Variants in FAM114A1 observed in about 807,000 individuals in gnomAD.
FAM114A1 encodes the protein family with sequence similarity 114 member A1.
Under a neutral mutation model 64.3 loss-of-function variants are expected in FAM114A1, and 62 were observed. The observed-to-expected ratio is 0.96, with a 90% confidence interval of 0.79 to 1.19. The LOEUF is 1.19. Ranked by LOEUF, FAM114A1 falls within the 50% of genes most tolerant of loss-of-function variation. The probability of loss-of-function intolerance (pLI) is 0.00; values close to 1 mark genes in which losing one functional copy is unlikely to be tolerated. For synonymous variants in FAM114A1, 254 were observed against 251.1 expected (o/e 1.01, Z -0.11); for missense variants, 645 against 676.3 (o/e 0.95, Z 0.51).
At chr4:38,922,235 T>C (rs979154634) in intron 8 of FAM114A1, among the ~76,000 whole-genome samples, 5 of 152,242 alleles carry the variant, frequency 3.3e-5, no homozygotes, top group Admixed American at 2.6e-4. Context: ...CCACCGCGTC[T>C]GGCCGTATGC....
At chr4:38,933,647 T>C (rs1720848104) in intron 12 of FAM114A1, among the ~76,000 whole-genome samples, 1 of 152,186 alleles carries the variant, frequency 6.6e-6, no homozygotes, top group Non-Finnish European at 1.5e-5. Flanking sequence ...ATATGGAGCA[T>C]TCATGAAAAT....
intron 3 of FAM114A1, among the ~76,000 whole-genome samples, chr4:38,885,951 A>G (rs1460663752): frequency 6.6e-6 from 1 of 152,198 alleles, no homozygotes; most frequent in African/African-American, 2.4e-5. Flanking sequence ...GAGTCAGAAG[A>G]TAGGCCATCA....
chr4:38,905,213 A>C (rs1272860657), intron 4 of FAM114A1, among the ~76,000 whole-genome samples: 1 of 152,020 alleles, frequency 6.6e-6, no homozygotes, highest in Non-Finnish European at 1.5e-5. Context: ...CCTGGCCAAC[A>C]CTTAGTGAAA....
intron 3 of FAM114A1, among the ~76,000 whole-genome samples, chr4:38,889,722 G>C (rs1716141855): frequency 6.6e-6 from 1 of 152,166 alleles, no homozygotes; most frequent in African/African-American, 2.4e-5. Flanking sequence ...GTCTCAACCA[G>C]TACTCTACAC....
intron 14 of FAM114A1, among the ~76,000 whole-genome samples, chr4:38,943,033 A>T (rs954829758): frequency 6.6e-6 from 1 of 152,058 alleles, no homozygotes; most frequent in African/African-American, 2.4e-5. Flanking sequence ...CTCTACTAAA[A>T]TACAAACAAA....
intron 12 of FAM114A1, among the ~76,000 whole-genome samples, chr4:38,933,765 C>T (rs924997706): frequency 6.6e-6 from 1 of 152,110 alleles, no homozygotes; most frequent in Middle Eastern, 3.2e-3. Flanking sequence ...ATTAGACAGA[C>T]ACAGGAGCCA....
rs149201693 is a variant in FAM114A1, at chr4:38,878,397, G to T, written c.319G>T (p.Glu107Ter). Residue 107 changes from glutamate to a stop codon, truncating the protein, a stop_gained, in exon 3 of 15, where the codon GAA becomes TAA. Coordinates refer to ENST00000358869, the MANE Select transcript of FAM114A1 (RefSeq NM_138389.4). LOFTEE classifies it high-confidence loss of function. ...SVSLEAEPRS[E>*]IPLQEQNYLA... ...CAGCCTTGAGGCAGAACCCAGATCC[G>T]AAATACCCCTGCAAGAACAGAATTA... The T allele has an allele frequency of 1.9e-6, 3 of 1,602,658 alleles. No individual in the cohort carries two copies. The highest frequency in any genetic ancestry group is 2.6e-6 in the Non-Finnish European group (3 of 1,173,972).
rs753746517 is a variant in FAM114A1 at position 38,922,881 on chromosome 4, CAAG to C, written c.1063_1065del (p.Glu355del). ...CAAAGAATTAGAGAATGAAGAAAATCAAGAAGAACAAGGTAAAGGAAAATAACT... is the reference window on the plus strand; with the variant it reads ...CAAAGAATTAGAGAATGAAGAAAATCAAGAACAAGGTAAAGGAAAATAACT... On this transcript the variant is annotated inframe_deletion, in exon 9 of 15. Transcript: ENST00000358869. The C allele has an allele frequency of 3.6e-5, 58 of 1,609,696 alleles. No individual in the cohort carries two copies. The highest frequency in any genetic ancestry group is 3.4e-4 in the African/African-American group (25 of 74,576).
At chr4:38,941,850 A>G (rs1042861476) in intron 14 of FAM114A1, among the ~76,000 whole-genome samples, 40 of 152,226 alleles carry the variant, frequency 2.6e-4, no homozygotes, top group Non-Finnish European at 1.6e-4. Flanking sequence ...AAAATTTGGA[A>G]ATTACAAAAG....
At chr4:38,883,430 C>T (rs1462700289) in intron 3 of FAM114A1, among the ~76,000 whole-genome samples, 2 of 152,110 alleles carry the variant, frequency 1.3e-5, no homozygotes, top group African/African-American at 2.4e-5. Flanking sequence ...CCTTAAAAGA[C>T]CCAATCTAGA....
At chr4:38,892,001 A>C (rs1716457483) in intron 4 of FAM114A1, among the ~76,000 whole-genome samples, 171 bp downstream of exon 4, 1 of 152,240 alleles carries the variant, frequency 6.6e-6, no homozygotes, top group South Asian at 2.1e-4. Context: ...TTGTTCCTCA[A>C]AATAACCCTA....
At chr4:38,929,083 C>T in intron 9 of FAM114A1, 159 bp from the exon 10 acceptor site, 1 of 619,378 alleles carries the variant, frequency 1.6e-6, no homozygotes, top group Non-Finnish European at 2.9e-6. Context: ...CTGCCATGCT[C>T]ACGAATGGAA....
At chr4:38,874,446 G>C (rs897618220) in intron 2 of FAM114A1, among the ~76,000 whole-genome samples, 1 of 152,100 alleles carries the variant, frequency 6.6e-6, no homozygotes, top group Admixed American at 6.5e-5. Context: ...TCATATGCTT[G>C]TTGGCCACCT....
At chr4:38,871,649 A>G (rs1462938354) in intron 2 of FAM114A1, among the ~76,000 whole-genome samples, 1 of 152,088 alleles carries the variant, frequency 6.6e-6, no homozygotes, top group Admixed American at 6.5e-5. Context: ...CTTTTTCTAC[A>G]TTTGGGATAA....
At chr4:38,873,496 G>T (rs938786568) in intron 2 of FAM114A1, among the ~76,000 whole-genome samples, 1 of 152,096 alleles carries the variant, frequency 6.6e-6, no homozygotes, top group African/African-American at 2.4e-5. Flanking sequence ...GAAGGTCTTT[G>T]TCTTTATAGA....
chr4:38,899,305 G>T (rs570589000), intron 4 of FAM114A1, among the ~76,000 whole-genome samples: 13 of 152,154 alleles, frequency 8.5e-5, no homozygotes, highest in Admixed American at 2.0e-4. Flanking sequence ...GGTTTGGGAT[G>T]ACTCTTAGGA....
At chr4:38,869,764 T>C (rs73236646) in intron 2 of FAM114A1, among the ~76,000 whole-genome samples, 22,662 of 151,734 alleles carry the variant, frequency 0.15, 2,282 homozygotes, top group Middle Eastern at 0.39. Context: ...CAGGATATCA[T>C]GCTAACCAAA....
rs58018099 is a variant in FAM114A1, at chr4:38,915,744, GGTGTGTGTGTGTGTGTGTGTGT to G, written c.945+700_945+721del. ...TTTTTTCCCTTAAAGCATCTATAGTGGTGTGTGTGTGTGTGTGTGTGTGTGTGTGTGTGTGTGTGTGTGTGTG... is the reference window on the plus strand; with the variant it reads ...TTTTTTCCCTTAAAGCATCTATAGTGGTGTGTGTGTGTGTGTGTGTGTGTG... On this transcript the variant is annotated intron_variant, in intron 8 of 14. Coordinates refer to ENST00000358869, the MANE Select transcript of FAM114A1 (RefSeq NM_138389.4). 8.3e-4 allele frequency among the ~76,000 whole-genome samples: 116 copies of G among 139,218 alleles called. 1 individual carries two copies. The East Asian group carries it at 0.022, about 27-fold the overall frequency. 91.3% of individuals were successfully genotyped at this position (139,218 alleles called of 152,430 possible).
At chr4:38,898,775 C>T (rs1250979229) in intron 4 of FAM114A1, among the ~76,000 whole-genome samples, 8 of 151,868 alleles carry the variant, frequency 5.3e-5, no homozygotes, top group East Asian at 1.9e-4. Flanking sequence ...CTTTTTGCTG[C>T]ACTATAGTTC....
Sources: gnomAD v4.1 joint callset for allele counts (sites outside exome capture counted in the v4.1 genomes callset) on GRCh38, gnomAD v4.1.1 for gene constraint, MANE v1.5 for transcripts, NCBI Gene and HGNC (gene_info 2026-07-23, HGNC 2026-07-21) for gene names.